The following EFTUD2 variants were observed in gnomAD, a reference collection of about 807,000 sequenced individuals.
The protein encoded by EFTUD2 is 116 kDa U5 small nuclear ribonucleoprotein component.
In EFTUD2, 9 loss-of-function variants were observed where a neutral mutation model predicts 114.3. The observed-to-expected ratio is 0.08, with a 90% confidence interval of 0.05 to 0.14. The LOEUF is 0.14. Among genes scored for constraint, EFTUD2 ranks in the 10% least tolerant of loss-of-function variants. The pLI is 1.00. For synonymous variants in EFTUD2, 449 were observed against 462.3 expected, an observed-to-expected ratio of 0.97 and a Z score of 0.37; for missense variants, 765 against 1,241.2, an observed-to-expected ratio of 0.62 and a Z score of 5.76.
intron 20 of EFTUD2, 122 bp downstream of exon 20, chr17:44,856,953 C>G (rs1177346330): frequency 9.2e-6 from 7 of 758,088 alleles, no homozygotes; most frequent in Non-Finnish European, 1.1e-5. Context: ...GTAAGCACCC[C>G]CTATTCTGAG....
chr17:44,881,518 T>C (rs1314514587), intron 7 of EFTUD2, among the ~76,000 whole-genome samples, 169 bp downstream of exon 7: 1 of 152,180 alleles, frequency 6.6e-6, no homozygotes, highest in Non-Finnish European at 1.5e-5. Context: ...TTTTTCAAGT[T>C]ATAACCCTGG....
At chr17:44,897,886 T>C (rs1318240018) in intron 1 of EFTUD2, among the ~76,000 whole-genome samples, 2 of 152,054 alleles carry the variant, frequency 1.3e-5, no homozygotes. Context: ...TTTTAAATAA[T>C]TGAGAAAAAA....
chr17:44,882,970 T>G (rs750609436), intron 6 of EFTUD2, 123 bp downstream of exon 6: 24 of 831,980 alleles, frequency 2.9e-5, no homozygotes, highest in Non-Finnish European at 4.0e-5. Flanking sequence ...ATCACAATTA[T>G]AAAGCTGCAC....
Position 44,850,651 on chromosome 17 carries a change from C to T in EFTUD2, c.*623G>A, listed in dbSNP as rs1453044620. On this transcript the variant is annotated 3_prime_UTR_variant, in exon 28 of 28. Coordinates refer to ENST00000426333, the MANE Select transcript of EFTUD2 (RefSeq NM_004247.4). The stretch of plus-strand genomic sequence containing the variant: ...GGAGGTGGTGGGGTAGACTTCTGAT[C>T]GCAGGAACCCAACAACTCCCAAGCC... 2.6e-6 allele frequency: 1 copy of T among 389,874 alleles called. No homozygotes were observed. The highest frequency in any genetic ancestry group is 4.8e-6 in the Non-Finnish European group (1 of 209,240). The allele number at this position is 389,874 out of a possible 1,614,324, so 24.2% of individuals were successfully genotyped here. A position where few individuals can be genotyped will look rare whatever the true frequency, so the allele number is the denominator to read the frequency against.
chr17:44,885,043 T>C (rs989536441), intron 4 of EFTUD2, among the ~76,000 whole-genome samples: 7 of 152,178 alleles, frequency 4.6e-5, no homozygotes, highest in Non-Finnish European at 7.3e-5. Context: ...ACTAAAGATC[T>C]GGAAGAGGAA....
In EFTUD2 at chr17:44,885,213, C is replaced by G. The variant is rs202075494; in HGVS notation, c.350+43G>C. 60 of 1,516,146 alleles carry G rather than the reference C, an allele frequency of 4.0e-5. No homozygotes were observed. The African/African-American group carries it at 7.7e-4, about 19-fold the overall frequency. 93.9% of individuals were successfully genotyped at this position (1,516,146 alleles called of 1,614,324 possible). A position where few individuals can be genotyped will look rare whatever the true frequency, so the allele number is the denominator to read the frequency against. On this transcript the variant is annotated intron_variant, in intron 4 of 27. Transcript: ENST00000426333. ...CTCTTATCTCTACAAAAACATGAACCCACAGCATTCCTGCAGAGAAGCTGA... is the reference window on the plus strand; with the variant it reads ...CTCTTATCTCTACAAAAACATGAACGCACAGCATTCCTGCAGAGAAGCTGA...
Position 44,864,966 on chromosome 17 carries a change from T to C in EFTUD2, c.1249A>G (p.Arg417Gly). 6.2e-7 allele frequency: 1 copy of C among 1,614,194 alleles called. No individual in the cohort carries two copies. The highest frequency in any genetic ancestry group is 8.5e-7 in the Non-Finnish European group (1 of 1,180,038). The change falls in exon 14 of 28, where the codon AGG (arginine) becomes GGG (glycine). Residue 417 changes from arginine to glycine, a missense_variant. Physicochemically the swap from Arg to Gly is moderately radical, Grantham distance 125. This residue lies in a region of EFTUD2 where 251 missense variants were observed against 357.7 expected (regional missense o/e 0.70). Transcript: ENST00000426333. ...ELKLNIRPLL[R>G]LVCKKFFGEF... Reference sequence around the variant, plus strand: ...CCAAAGAACTTTTTGCAGACCAGCCTGAGCAAGGGGCGGATGTTCAGCTTC... The same window carrying C: ...CCAAAGAACTTTTTGCAGACCAGCCCGAGCAAGGGGCGGATGTTCAGCTTC...
At chr17:44,865,115 G>A in intron 13 of EFTUD2, 50 bp from the exon 14 acceptor site, 3 of 1,599,774 alleles carry the variant, frequency 1.9e-6, no homozygotes, top group Non-Finnish European at 2.6e-6. Flanking sequence ...CCTGAGCATG[G>A]TGCTAGAGGG....
intron 25 of EFTUD2, 52 bp downstream of exon 25, chr17:44,853,244 T>C (rs2050488156): frequency 6.3e-7 from 1 of 1,585,864 alleles, no homozygotes; most frequent in East Asian, 2.3e-5. Context: ...GAGGTGACTC[T>C]TGTTCTGCTC....
At chr17:44,851,581 G>T in intron 27 of EFTUD2, 129 bp downstream of exon 27, 1 of 1,055,606 alleles carries the variant, frequency 9.5e-7, no homozygotes, top group Non-Finnish European at 1.4e-6. Flanking sequence ...TGCCTAAGGA[G>T]TATACAGATC....
chr17:44,859,265 A>G, intron 18 of EFTUD2, 84 bp from the exon 19 acceptor site: 1 of 959,550 alleles, frequency 1.0e-6, no homozygotes, highest in Non-Finnish European at 1.7e-6. Context: ...AGAGCAGACA[A>G]GAAGTTGCCT....
chr17:44,877,760 T>C (rs1256751845), intron 9 of EFTUD2, among the ~76,000 whole-genome samples: 1 of 150,586 alleles, frequency 6.6e-6, no homozygotes, highest in Non-Finnish European at 1.5e-5. Flanking sequence ...GAGCCAAGAT[T>C]GCGCCACTGC....
chr17:44,887,746 T>A (rs543829367), intron 2 of EFTUD2, among the ~76,000 whole-genome samples: 47 of 152,298 alleles, frequency 3.1e-4, no homozygotes, highest in African/African-American at 1.1e-3. Flanking sequence ...TGTTCTAAAA[T>A]TGATTGTGAT....
intron 11 of EFTUD2, among the ~76,000 whole-genome samples, chr17:44,869,276 T>C (rs1433593213): frequency 1.3e-5 from 2 of 152,230 alleles, no homozygotes; most frequent in Non-Finnish European, 2.9e-5. Flanking sequence ...CCTCTGTTAA[T>C]GCACTTACCA....
intron 18 of EFTUD2, 195 bp downstream of exon 18, chr17:44,859,710 T>G: frequency 1.2e-6 from 1 of 803,352 alleles, no homozygotes. Flanking sequence ...CAGGTCTTGT[T>G]TTAACACACA....
At chr17:44,872,235 C>T (rs1291914469) in intron 11 of EFTUD2, among the ~76,000 whole-genome samples, 1 of 152,182 alleles carries the variant, frequency 6.6e-6, no homozygotes, top group Admixed American at 6.6e-5. Context: ...CCCATGTCCT[C>T]CTATTCACTT....
intron 1 of EFTUD2, among the ~76,000 whole-genome samples, chr17:44,898,170 T>G (rs1448206921): frequency 6.6e-6 from 1 of 152,236 alleles, no homozygotes; most frequent in East Asian, 1.9e-4. Context: ...TATGCTTATC[T>G]CATTCTCCCA....
At chr17:44,866,628 C>G (rs764894490) in intron 13 of EFTUD2, among the ~76,000 whole-genome samples, 40 of 152,134 alleles carry the variant, frequency 2.6e-4, no homozygotes, top group Non-Finnish European at 4.0e-4. Flanking sequence ...ATCCTCCCGC[C>G]TTGGCCTCCC....
intron 11 of EFTUD2, 97 bp from the exon 12 acceptor site, chr17:44,868,447 G>C: frequency 8.5e-7 from 1 of 1,180,192 alleles, no homozygotes; most frequent in Non-Finnish European, 1.2e-6. Context: ...AGAACTTCTA[G>C]CACTTTCCTT....
Sources: allele counts gnomAD v4.1 joint callset (sites outside exome capture counted in the v4.1 genomes callset), GRCh38; gene constraint gnomAD v4.1.1; regional missense constraint gnomAD v4.1.1; transcripts MANE v1.5; gene names NCBI Gene and HGNC (gene_info 2026-07-23, HGNC 2026-07-21).